B4GALNT3: variants seen among roughly 807,000 people sequenced by gnomAD.
B4GALNT3 encodes beta-1,4-N-acetylgalactosaminyltransferase 3.
Under a neutral mutation model 120.2 loss-of-function variants are expected in B4GALNT3, and 86 were observed. The observed-to-expected ratio is 0.72, with a 90% CI of 0.60 to 0.86. The LOEUF is 0.86. Among genes scored for constraint, B4GALNT3 ranks in the 40% least tolerant of loss-of-function variants. The pLI is 0.00. For missense variants in B4GALNT3, 1,167 were observed against 1,298.9 expected, an observed-to-expected ratio of 0.90 and a Z score of 1.56; for synonymous variants, 518 against 510.4, an observed-to-expected ratio of 1.01 and a Z score of -0.20.
At chr12:515,701 A>G (rs1219675319) in intron 1 of B4GALNT3, among the ~76,000 whole-genome samples, 1 of 152,168 alleles carries the variant, frequency 6.6e-6, no homozygotes, top group Non-Finnish European at 1.5e-5. Context: ...CAGAGATGAA[A>G]ACCAAGGCTT....
intron 1 of B4GALNT3, among the ~76,000 whole-genome samples, chr12:507,471 T>G (rs1345087003): frequency 2.6e-5 from 4 of 152,162 alleles, no homozygotes; most frequent in Non-Finnish European, 5.9e-5. Flanking sequence ...GTCTTGGAAT[T>G]TGGACACTGT....
chr12:548,240 A>G lies in B4GALNT3; in HGVS notation c.796A>G (p.Asn266Asp). The G allele has an allele frequency of 1.2e-6, 2 of 1,614,072 alleles. No individual in the cohort carries two copies. The highest frequency in any genetic ancestry group is 2.2e-5 in the East Asian group (1 of 44,880). The change falls in exon 9 of 20, where the codon AAC becomes GAC. Residue 266 changes from asparagine to aspartate, a missense_variant. Coordinates refer to ENST00000266383, the MANE Select transcript of B4GALNT3 (RefSeq NM_173593.4). The surrounding 1 kb of genome is among the most constrained non-coding windows in gnomAD (Gnocchi z 4.9). ...TDHVEVAWRR[N>D]DPGAKFTIID... is the part of the protein sequence containing the mutation. ...CTCTCTCCTCTTCCAGTGGCGACGGAACGACCCTGGAGCCAAGTTCACCAT... is the reference window on the plus strand; with the variant it reads ...CTCTCTCCTCTTCCAGTGGCGACGGGACGACCCTGGAGCCAAGTTCACCAT...
chr12:490,727 CAA>C (rs35344501), intron 1 of B4GALNT3, among the ~76,000 whole-genome samples: 17,628 of 139,400 alleles, frequency 0.13, 1,287 homozygotes, highest in African/African-American at 0.23. Flanking sequence ...GACACTGTCT[CAA>C]AAAAAAAAAA....
chr12:471,278 G>A (rs1398287875), intron 1 of B4GALNT3, among the ~76,000 whole-genome samples: 9 of 151,396 alleles, frequency 5.9e-5, no homozygotes, highest in African/African-American at 1.7e-4. Context: ...CAAGCTACTC[G>A]GGAGGCTGAG....
At chr12:505,758 T>C (rs144763501) in intron 1 of B4GALNT3, among the ~76,000 whole-genome samples, 1 of 152,104 alleles carries the variant, frequency 6.6e-6, no homozygotes, top group South Asian at 2.1e-4. Flanking sequence ...GAGATAGGGG[T>C]CTGAATAGGT....
chr12:476,466 A>G (rs1188887745), intron 1 of B4GALNT3, among the ~76,000 whole-genome samples: 1 of 152,172 alleles, frequency 6.6e-6, no homozygotes, highest in African/African-American at 2.4e-5. Flanking sequence ...TTAGCTGGGC[A>G]TGGTGGTGTG....
intron 1 of B4GALNT3, among the ~76,000 whole-genome samples, chr12:469,210 G>A (rs889984993): frequency 2.6e-5 from 4 of 152,156 alleles, no homozygotes; most frequent in African/African-American, 4.8e-5. Flanking sequence ...CTCACCAATC[G>A]TGAGACCTTG....
chr12:559,351 A>G lies in B4GALNT3; in HGVS notation c.2818A>G (p.Arg940Gly), dbSNP rs377461439. Residue 940 changes from arginine (R) to glycine (G), a missense_variant, in exon 19 of 20, where the codon AGG becomes GGG. By Grantham distance (125) the Arg-to-Gly change is moderately radical. Transcript: ENST00000266383. ...LLGIYKSDLD[R>G]IGGMNTKEFR... ...TGGCATCTACAAGTCTGACCTGGACAGGATTGGGGGCATGAACACCAAGGA... is the reference window on the plus strand; with the variant it reads ...TGGCATCTACAAGTCTGACCTGGACGGGATTGGGGGCATGAACACCAAGGA... 1.2e-6 allele frequency: 2 copies of G among 1,614,050 alleles called. No homozygotes were observed. The highest frequency in any genetic ancestry group is 1.7e-6 in the Non-Finnish European group (2 of 1,179,970).
chr12:550,214 A>G lies in B4GALNT3; in HGVS notation c.997+302A>G, dbSNP rs1013110938. 1.3e-5 allele frequency among the ~76,000 whole-genome samples: 2 copies of G among 152,204 alleles called. No individual in the cohort carries two copies. The highest frequency in any genetic ancestry group is 4.8e-5 in the African/African-American group (2 of 41,442). ...CCCACACATCCCTTCCCAATCTCAC[A>G]CGTCCCCGCCTCTTACTGCATTCCA... is the stretch of plus-strand genomic sequence containing the variant. On this transcript the variant is annotated intron_variant, in intron 10 of 19. Coordinates refer to ENST00000266383, the MANE Select transcript of B4GALNT3 (RefSeq NM_173593.4). The surrounding 1 kb of genome is among the most constrained non-coding windows in gnomAD (Gnocchi z 4.1).
chr12:460,931 C>G lies in B4GALNT3; in HGVS notation c.169+386C>G, dbSNP rs1171896654. On this transcript the variant is annotated intron_variant, in intron 1 of 19. Coordinates refer to ENST00000266383, the MANE Select transcript of B4GALNT3 (RefSeq NM_173593.4). The surrounding 1 kb of genome is among the most constrained non-coding windows in gnomAD (Gnocchi z 8.0). ...GAGGTCCGTGGGGTCCACGCGCGAG[C>G]TAGGGATTCGGGTGCGGGATGCCCT... is the stretch of plus-strand genomic sequence containing the variant. 6.6e-6 allele frequency among the ~76,000 whole-genome samples: 1 copy of G among 152,166 alleles called. No individual in the cohort carries two copies. The highest frequency in any genetic ancestry group is 2.4e-5 in the African/African-American group (1 of 41,450).
intron 1 of B4GALNT3, among the ~76,000 whole-genome samples, chr12:525,294 A>T (rs928217905): frequency 2.0e-5 from 3 of 152,094 alleles, no homozygotes; most frequent in African/African-American, 7.2e-5. Flanking sequence ...TTTTTAGCAG[A>T]GATGGGGTTT....
chr12:541,861 A>T (rs940762165), intron 3 of B4GALNT3, among the ~76,000 whole-genome samples: 3 of 27,140 alleles, frequency 1.1e-4, no homozygotes, highest in Admixed American at 3.1e-4. Context: ...ACCCCCCCCC[A>T]CCCCCCGGCC....
chr12:509,913 C>T (rs1292727193), intron 1 of B4GALNT3, among the ~76,000 whole-genome samples: 1 of 152,214 alleles, frequency 6.6e-6, no homozygotes, highest in African/African-American at 2.4e-5. Context: ...TACCCTGTTT[C>T]ATCCCTTGCT....
At chr12:481,096 G>A (rs1300673186) in intron 1 of B4GALNT3, among the ~76,000 whole-genome samples, 1 of 152,204 alleles carries the variant, frequency 6.6e-6, no homozygotes, top group Non-Finnish European at 1.5e-5. Flanking sequence ...GGAAGGCGAG[G>A]TGGGAGTTAG....
rs999535374 is a variant in B4GALNT3 at position 559,381 on chromosome 12, C to T, written c.2848C>T (p.Arg950Ter). 2.6e-5 allele frequency: 42 copies of T among 1,613,856 alleles called. No individual in the cohort carries two copies. The highest frequency in any genetic ancestry group is 1.6e-4 in the Middle Eastern group (1 of 6,082). ...TGGGGGCATGAACACCAAGGAGTTC[C>T]GAGACCGCTGGGGCGGGGAAGACTG... Reference protein sequence around the residue: ...RIGGMNTKEFRDRWGGEDWEL... With the variant: ...RIGGMNTKEF Residue 950 changes from arginine to a stop codon, truncating the protein, a stop_gained, in exon 19 of 20, where the codon CGA (arginine) becomes TGA (stop). Transcript: ENST00000266383. LOFTEE classifies it high-confidence loss of function.
intron 6 of B4GALNT3, among the ~76,000 whole-genome samples, chr12:546,078 G>A (rs2120700585): frequency 6.9e-6 from 1 of 145,966 alleles, no homozygotes; most frequent in South Asian, 2.2e-4. Context: ...GGAGTTGGGA[G>A]TTAGGGTGGG....
chr12:508,304 T>G (rs910076471), intron 1 of B4GALNT3, among the ~76,000 whole-genome samples: 1 of 152,168 alleles, frequency 6.6e-6, no homozygotes, highest in Admixed American at 6.5e-5. Flanking sequence ...AGGGTCTTGC[T>G]CCATCACCCA....
intron 3 of B4GALNT3, 50 bp downstream of exon 3, chr12:536,345 G>A: frequency 6.8e-7 from 1 of 1,476,478 alleles, no homozygotes; most frequent in Non-Finnish European, 9.5e-7. Flanking sequence ...AAAAAATAAT[G>A]TTTACAGATA....
chr12:477,614 A>G (rs1243922325), intron 1 of B4GALNT3, among the ~76,000 whole-genome samples: 3 of 152,222 alleles, frequency 2.0e-5, no homozygotes, highest in African/African-American at 7.2e-5. Context: ...TAAAAGGCAA[A>G]TGGAGTCATG....
Sources: allele counts gnomAD v4.1 joint callset (sites outside exome capture counted in the v4.1 genomes callset), GRCh38; gene constraint gnomAD v4.1.1; non-coding constraint Gnocchi (gnomAD v3.1); transcripts MANE v1.5; gene names NCBI Gene and HGNC (gene_info 2026-07-23, HGNC 2026-07-21).